MGMT: variants seen among roughly 807,000 people sequenced by gnomAD.
MGMT encodes methylated-DNA--protein-cysteine methyltransferase.
A neutral mutation model predicts 15.9 loss-of-function variants in MGMT; 14 were observed. That is an observed-to-expected ratio of 0.88 (90% CI 0.58 to 1.37). The LOEUF (loss-of-function observed/expected upper bound fraction) is 1.37, where lower values mean the gene tolerates loss of function less well. MGMT is among the 40% of genes most tolerant of loss of function. The probability of loss-of-function intolerance (pLI) is 0.00; values close to 1 mark genes in which losing one functional copy is unlikely to be tolerated. For missense variants in MGMT, 282 were observed against 268.1 expected, an observed-to-expected ratio of 1.05 and a Z score of -0.36; for synonymous variants, 130 against 118.2, an observed-to-expected ratio of 1.10 and a Z score of -0.65.
intron 2 of MGMT, among the ~76,000 whole-genome samples, chr10:129,555,705 A>G (rs889953813): frequency 6.6e-6 from 1 of 151,538 alleles, no homozygotes; most frequent in Non-Finnish European, 1.5e-5. Flanking sequence ...ACAGAGTGAG[A>G]CCCTGTCTCT....
At chr10:129,488,328 C>G (rs1209893088) in intron 1 of MGMT, among the ~76,000 whole-genome samples, 1 of 152,186 alleles carries the variant, frequency 6.6e-6, no homozygotes, top group Non-Finnish European at 1.5e-5. Flanking sequence ...CGATTGAGAG[C>G]AACCTTCAGC....
intron 2 of MGMT, among the ~76,000 whole-genome samples, chr10:129,662,972 C>T (rs1287222979): frequency 1.3e-5 from 2 of 152,156 alleles, no homozygotes; most frequent in African/African-American, 4.8e-5. Flanking sequence ...GAGATGTTAA[C>T]ACACTATTCT....
At chr10:129,684,377 G>A (rs1847883847) in intron 2 of MGMT, among the ~76,000 whole-genome samples, 1 of 152,186 alleles carries the variant, frequency 6.6e-6, no homozygotes. Context: ...ATGCAGGGGG[G>A]CCATCCCAGC....
At chr10:129,571,475 G>A (rs1846418692) in intron 2 of MGMT, among the ~76,000 whole-genome samples, 1 of 152,210 alleles carries the variant, frequency 6.6e-6, no homozygotes, top group South Asian at 2.1e-4. Context: ...TATGGCTGCT[G>A]TTTGAAGTAT....
chr10:129,755,014 GGGA>G (rs1848789250), intron 3 of MGMT, among the ~76,000 whole-genome samples: 1 of 152,234 alleles, frequency 6.6e-6, no homozygotes, highest in Non-Finnish European at 1.5e-5. Flanking sequence ...GGACAACAGA[GGGA>G]TAACCCAGGA....
chr10:129,551,065 C>T (rs1315207417), intron 2 of MGMT, among the ~76,000 whole-genome samples: 2 of 152,114 alleles, frequency 1.3e-5, no homozygotes, highest in Non-Finnish European at 2.9e-5. Flanking sequence ...ATCAGAAACC[C>T]GAGGCCCAGA....
At position 129,556,509 on chromosome 10, in the gene MGMT, GCAGGGCTTCGT is replaced by G. The variant is rs1846215636; in HGVS notation, c.125+20139_125+20149del. 6.6e-6 allele frequency among the ~76,000 whole-genome samples: 1 copy of G among 152,164 alleles called. No homozygotes were observed. The highest frequency in any genetic ancestry group is 1.5e-5 in the Non-Finnish European group (1 of 68,022). On this transcript the variant is annotated intron_variant, in intron 2 of 4. Coordinates refer to ENST00000651593, the MANE Select transcript of MGMT (RefSeq NM_002412.5). The surrounding 1 kb of genome is among the most constrained non-coding windows in gnomAD (Gnocchi z 4.3). ...GGTTCAGACTTGCAGCACCCAGGCT[GCAGGGCTTCGT>G]CAGGGCAGCCCTGGCGGAAGAACGC... is the stretch of plus-strand genomic sequence containing the variant.
At chr10:129,646,285 T>C (rs541240802) in intron 2 of MGMT, among the ~76,000 whole-genome samples, 1 of 152,176 alleles carries the variant, frequency 6.6e-6, no homozygotes, top group African/African-American at 2.4e-5. Context: ...ACATTTCTCC[T>C]GGCTCAGAGC....
At chr10:129,557,145 T>C (rs971568135) in intron 2 of MGMT, among the ~76,000 whole-genome samples, 6 of 152,218 alleles carry the variant, frequency 3.9e-5, no homozygotes, top group African/African-American at 1.4e-4. Flanking sequence ...ACGAAGCATC[T>C]TATCCTACCA....
intron 2 of MGMT, among the ~76,000 whole-genome samples, chr10:129,657,173 CCAGAGTTGACA>C (rs1564750645): frequency 6.6e-6 from 1 of 152,024 alleles, no homozygotes. Context: ...GTTTACCTGC[CCAGAGTTGACA>C]CAGACGACTG....
intron 3 of MGMT, among the ~76,000 whole-genome samples, chr10:129,754,323 C>T (rs1475743631): frequency 1.3e-5 from 2 of 152,154 alleles, no homozygotes; most frequent in South Asian, 4.1e-4. Context: ...CTTCCTATTA[C>T]TAAACCTCAA....
intron 2 of MGMT, among the ~76,000 whole-genome samples, chr10:129,538,084 T>G (rs1400079286): frequency 6.6e-6 from 1 of 152,212 alleles, no homozygotes; most frequent in African/African-American, 2.4e-5. Flanking sequence ...GGGGAGCATT[T>G]AAAAGTTTGA....
chr10:129,548,743 G>C lies in MGMT; in HGVS notation c.125+12366G>C, dbSNP rs1379456070. On this transcript the variant is annotated intron_variant, in intron 2 of 4. Coordinates refer to ENST00000651593, the MANE Select transcript of MGMT (RefSeq NM_002412.5). ...GCGTCAGTCCCACCTGCAGCTTTCG[G>C]GGGGGTGCTGGGGAGGCAGATTTGA... Among the ~76,000 whole-genome samples, 3 of 152,242 alleles carry C rather than the reference G, an allele frequency of 2.0e-5. No homozygotes were observed. The East Asian group carries it at 5.8e-4, about 30-fold the overall frequency.
At chr10:129,573,595 T>G (rs2058813717) in intron 2 of MGMT, among the ~76,000 whole-genome samples, 1 of 152,200 alleles carries the variant, frequency 6.6e-6, no homozygotes, top group Non-Finnish European at 1.5e-5. Flanking sequence ...TCATCTCTAT[T>G]TATTTATTTG....
At position 129,579,973 on chromosome 10, in the gene MGMT, GA is replaced by G. The variant is rs567034427; in HGVS notation, c.125+43598del. ...CCGTGAGAGGTGGCAGCTCTGGGAGGAACACTCCTTAGGCCGGTGTGTGGTA... is the reference window on the plus strand; with the variant it reads ...CCGTGAGAGGTGGCAGCTCTGGGAGGACACTCCTTAGGCCGGTGTGTGGTA... On this transcript the variant is annotated intron_variant, in intron 2 of 4. Transcript: ENST00000651593. Among the ~76,000 whole-genome samples the G allele has an allele frequency of 1.1e-3, 167 of 152,336 alleles. 1 individual carries two copies. Among genetic ancestry groups the G allele is most frequent in the African/African-American group, 3.9e-3 (162 of 41,580 alleles).
chr10:129,542,948 C>T (rs1846059698), intron 2 of MGMT, among the ~76,000 whole-genome samples: 1 of 152,186 alleles, frequency 6.6e-6, no homozygotes, highest in Non-Finnish European at 1.5e-5. Flanking sequence ...ACAAATTGTG[C>T]ATATACTTCA....
intron 1 of MGMT, among the ~76,000 whole-genome samples, chr10:129,481,206 C>T (rs544873346): frequency 1.4e-4 from 21 of 152,286 alleles, no homozygotes; most frequent in African/African-American, 4.1e-4. Context: ...TGTGCAGGTG[C>T]CCTTTAGCAG....
At chr10:129,620,331 A>G (rs1589897626) in intron 2 of MGMT, among the ~76,000 whole-genome samples, 1 of 152,232 alleles carries the variant, frequency 6.6e-6, no homozygotes, top group Admixed American at 6.5e-5. Flanking sequence ...GCAGTCTTCT[A>G]TAAATGTACG....
At chr10:129,709,129 G>A (rs1375724311) in intron 3 of MGMT, among the ~76,000 whole-genome samples, 2 of 152,216 alleles carry the variant, frequency 1.3e-5, no homozygotes, top group Admixed American at 1.3e-4. Flanking sequence ...GTCTCCAGAA[G>A]GGTTCAGTGG....
Sources: gnomAD v4.1 joint callset for allele counts (sites outside exome capture counted in the v4.1 genomes callset) on GRCh38, gnomAD v4.1.1 for gene constraint, Gnocchi (gnomAD v3.1) non-coding constraint, MANE v1.5 for transcripts, NCBI Gene and HGNC (gene_info 2026-07-23, HGNC 2026-07-21) for gene names.